The following CERCAM variants were observed in gnomAD, a reference collection of about 807,000 sequenced individuals.
CERCAM encodes inactive glycosyltransferase 25 family member 3.
In CERCAM, 59 loss-of-function variants were observed where a neutral mutation model predicts 66.0. The observed-to-expected ratio is 0.89, with a 90% CI of 0.73 to 1.11. The LOEUF (loss-of-function observed/expected upper bound fraction) is 1.11, where lower values mean the gene tolerates loss of function less well. Ranked by LOEUF, CERCAM falls within the 50% of genes most tolerant of loss-of-function variation. The pLI, the probability that CERCAM is intolerant of heterozygous loss-of-function variation, is 0.00. For synonymous variants in CERCAM, 318 were observed against 343.6 expected (o/e 0.93, Z 0.83); for missense variants, 840 against 828.3 (o/e 1.01, Z -0.17).
Position 128,434,744 on chromosome 9 carries a change from C to T in CERCAM, c.1535+131C>T. ...ACTGGCAAGGCCAAGCCACTTGGCC[C>T]AGGTCACCAAGGAGTGGCTCAGCCT... On this transcript the variant is annotated intron_variant, in intron 11 of 12. Transcript: ENST00000372838. This position sits in a 1 kb window ranked among gnomAD's most constrained non-coding sequence, Gnocchi z 4.5. 3.5e-6 allele frequency: 3 copies of T among 860,036 alleles called. No homozygotes were observed. The highest frequency in any genetic ancestry group is 5.3e-6 in the Non-Finnish European group (3 of 562,066). 53.3% of individuals were successfully genotyped at this position (860,036 alleles called of 1,614,324 possible).
chr9:128,422,806 G>A, intron 1 of CERCAM, 62 bp from the exon 2 acceptor site: 1 of 1,586,266 alleles, frequency 6.3e-7, no homozygotes, highest in Non-Finnish European at 8.6e-7. Flanking sequence ...TTGGGGTCAA[G>A]GCTGCCTTGG....
chr9:128,429,061 C>A (rs752491246), intron 8 of CERCAM, 25 bp downstream of exon 8: 1 of 1,533,834 alleles, frequency 6.5e-7, no homozygotes, highest in Non-Finnish European at 8.8e-7. Flanking sequence ...TGGGGGGGGC[C>A]CTGTGCGCTT....
chr9:128,434,832 A>G lies in CERCAM; in HGVS notation c.1535+219A>G, dbSNP rs1834071895. Among the ~76,000 whole-genome samples the G allele has an allele frequency of 1.3e-5, 2 of 151,788 alleles. No homozygotes were observed. The highest frequency in any genetic ancestry group is 4.8e-5 in the African/African-American group (2 of 41,330). On this transcript the variant is annotated intron_variant, in intron 11 of 12. Coordinates refer to ENST00000372838, the MANE Select transcript of CERCAM (RefSeq NM_016174.5). The surrounding 1 kb of genome is among the most constrained non-coding windows in gnomAD (Gnocchi z 4.5). Reference sequence around the variant, plus strand: ...ACAGTGCATGCAGGCTTTTTTTTGAAATGGAGTCTTGCTCTGTTGCCCAGG... The same window carrying G: ...ACAGTGCATGCAGGCTTTTTTTTGAGATGGAGTCTTGCTCTGTTGCCCAGG...
At chr9:128,435,958 C>A in intron 12 of CERCAM, 53 bp downstream of exon 12, 13 of 1,524,716 alleles carry the variant, frequency 8.5e-6, no homozygotes, top group Non-Finnish European at 1.1e-5. Context: ...GCTTGCTCTC[C>A]CCTTTGATGG....
chr9:128,436,847 A>C lies in CERCAM; in HGVS notation c.*1-2A>C, dbSNP rs1234823922. On this transcript the variant is annotated splice_acceptor_variant, in intron 12 of 12. Transcript: ENST00000372838. LOFTEE classifies it low-confidence loss of function (3UTR_SPLICE). Reference sequence around the variant, plus strand: ...CTCTTCCTGCTCCTCCTGTCCCACCAGGTCCAGGTGATGACTGCAAAGCAG... The same window carrying C: ...CTCTTCCTGCTCCTCCTGTCCCACCCGGTCCAGGTGATGACTGCAAAGCAG... The C allele has an allele frequency of 2.6e-5, 4 of 152,308 alleles. No individual in the cohort carries two copies. The highest frequency in any genetic ancestry group is 9.7e-5 in the African/African-American group (4 of 41,438). 9.4% of individuals were successfully genotyped at this position (152,308 alleles called of 1,614,324 possible).
chr9:128,422,923 G>T lies in CERCAM; in HGVS notation c.253G>T (p.Ala85Ser). 1 of 1,614,012 alleles carries T rather than the reference G, an allele frequency of 6.2e-7. No individual in the cohort carries two copies. The highest frequency in any genetic ancestry group is 8.5e-7 in the Non-Finnish European group (1 of 1,180,010). ...CACAGAGATGCTGCAGGAGTGGCTGGCGGCTGTGGGCGATGACTATGCTGC... is the reference window on the plus strand; with the variant it reads ...CACAGAGATGCTGCAGGAGTGGCTGTCGGCTGTGGGCGATGACTATGCTGC... ...NTTEMLQEWL[A>S]AVGDDYAAVV... The change falls in exon 2 of 13, where the codon GCG becomes TCG. Residue 85 changes from alanine (A) to serine (S), a missense_variant. By Grantham distance (99) the Ala-to-Ser change is moderately conservative. Coordinates refer to ENST00000372838, the MANE Select transcript of CERCAM (RefSeq NM_016174.5).
chr9:128,424,419 C>A lies in CERCAM; in HGVS notation c.571C>A (p.Arg191Ser), dbSNP rs754714830. The change falls in exon 5 of 13, where the codon CGC (arginine) becomes AGC (serine). Residue 191 changes from arginine (R) to serine (S), a missense_variant. By Grantham distance (110) the Arg-to-Ser change is moderately radical. Coordinates refer to ENST00000372838, the MANE Select transcript of CERCAM (RefSeq NM_016174.5). ...CATCCCTTTTCCCCAGGGCTACTAC[C>A]GCCGCACAGCCGAGTACTTCCCCAC... ...WCGITPQGYY[R>S]RTAEYFPTKN... 1.2e-6 allele frequency: 2 copies of A among 1,613,890 alleles called. No homozygotes were observed. Among genetic ancestry groups the A allele is most frequent in the African/African-American group, 2.7e-5 (2 of 74,914 alleles).
Position 128,429,432 on chromosome 9 carries a change from AGGTGT to A in CERCAM, c.1070+397_1070+401del, listed in dbSNP as rs1833924446. On this transcript the variant is annotated intron_variant, in intron 8 of 12. Transcript: ENST00000372838. ...CCGGGCACATAGTTTCCAAAGGCTT[AGGTGT>A]CTCCCTTATTATTACTCTCCATCCT... Among the ~76,000 whole-genome samples the A allele has an allele frequency of 2.0e-5, 3 of 152,256 alleles. No homozygotes were observed. The South Asian group carries it at 6.2e-4, about 32-fold the overall frequency.
chr9:128,429,102 G>A (rs946548233), intron 8 of CERCAM, 66 bp downstream of exon 8: 15 of 1,184,210 alleles, frequency 1.3e-5, no homozygotes, highest in South Asian at 2.9e-5. Context: ...CTCCTAGCCC[G>A]CTAGGACTGG....
At position 128,424,444 on chromosome 9, in the gene CERCAM, C is replaced by A; in HGVS notation, c.596C>A (p.Thr199Asn). ...CGCCGCACAGCCGAGTACTTCCCCA[C>A]CAAGAACCGCCAGCGCCGGGGCTGC... Reference protein sequence around the residue: ...YYRRTAEYFPTKNRQRRGCFR... With the variant: ...YYRRTAEYFPNKNRQRRGCFR... Residue 199 changes from threonine to asparagine, a missense_variant, in exon 5 of 13, where the codon ACC (threonine) becomes AAC (asparagine). Thr to Asn is a moderately conservative substitution (Grantham distance 65). Transcript: ENST00000372838. The A allele has an allele frequency of 6.2e-7, 1 of 1,614,180 alleles. No individual in the cohort carries two copies. The highest frequency in any genetic ancestry group is 8.5e-7 in the Non-Finnish European group (1 of 1,180,056).
rs1166022524 is a variant in CERCAM at position 128,420,970 on chromosome 9, C to T, written c.93C>T (p.Pro31=). 16 of 1,467,698 alleles carry T rather than the reference C, an allele frequency of 1.1e-5. No homozygotes were observed. Among genetic ancestry groups the T allele is most frequent in the African/African-American group, 7.3e-5 (5 of 68,554 alleles). The allele number at this position is 1,467,698 out of a possible 1,614,324, so 90.9% of individuals were successfully genotyped here. A position where few individuals can be genotyped will look rare whatever the true frequency, so the allele number is the denominator to read the frequency against. ...EAAGVAESPL[P]AVVLAILARN... The stretch of plus-strand genomic sequence containing the variant: ...CGGGCGTTGCGGAGTCGCCGCTGCC[C>T]GCCGTGGTCCTTGCCATCCTGGCCC... The change falls in exon 1 of 13, where the codon CCC becomes CCT. Residue 31 remains proline, a synonymous_variant. Transcript: ENST00000372838. The surrounding 1 kb of genome is among the most constrained non-coding windows in gnomAD (Gnocchi z 5.0).
chr9:128,436,336 G>A (rs544418884), intron 12 of CERCAM, among the ~76,000 whole-genome samples: 3 of 152,078 alleles, frequency 2.0e-5, no homozygotes, highest in South Asian at 4.2e-4. Context: ...TGCCTCCCGC[G>A]TCCCGGATTC....
chr9:128,432,477 C>T (rs377076659), intron 9 of CERCAM, among the ~76,000 whole-genome samples: 13 of 151,450 alleles, frequency 8.6e-5, no homozygotes, highest in East Asian at 7.8e-4. Context: ...CTGGACCTCC[C>T]GGGCTCAAGC....
intron 4 of CERCAM, 45 bp downstream of exon 4, chr9:128,424,317 G>A (rs1029023129): frequency 6.2e-7 from 1 of 1,612,284 alleles, no homozygotes; most frequent in Non-Finnish European, 8.5e-7. Context: ...GTCCTGGAAG[G>A]AGGGACGTGG....
At position 128,434,595 on chromosome 9, in the gene CERCAM, T is replaced by G. The variant is rs767165737; in HGVS notation, c.1517T>G (p.Met506Arg). The G allele has an allele frequency of 1.0e-5, 16 of 1,608,018 alleles. No homozygotes were observed. The Middle Eastern group carries it at 5.1e-4, about 51-fold the overall frequency. The change falls in exon 11 of 13, where the codon ATG becomes AGG. Residue 506 changes from methionine (M) to arginine (R), a missense_variant. By Grantham distance (91) the Met-to-Arg change is moderately conservative. Transcript: ENST00000372838. The surrounding 1 kb of genome is among the most constrained non-coding windows in gnomAD (Gnocchi z 4.5). ...CCCGTGGACGAGTTCCTGCCCATCA[T>G]GTTCGACCAGCACCCCAAGTGAGGC... ...MLPVDEFLPI[M>R]FDQHPNEQYK...
chr9:128,429,068 G>A (rs150956383), intron 8 of CERCAM, 32 bp downstream of exon 8: 32 of 1,490,378 alleles, frequency 2.1e-5, no homozygotes, highest in South Asian at 1.7e-4. Flanking sequence ...GGCCCTGTGC[G>A]CTTGGGGAAG....
At chr9:128,431,375 G>C (rs1588626000) in intron 9 of CERCAM, 72 bp downstream of exon 9, 1 of 1,577,836 alleles carries the variant, frequency 6.3e-7, no homozygotes, top group East Asian at 2.3e-5. Context: ...TCACTGCTCT[G>C]TGAACGAGTG....
At position 128,424,407 on chromosome 9, in the gene CERCAM, C is replaced by T. The variant is rs867073160; in HGVS notation, c.562-3C>T. ...CACAGCCCAAAGCATCCCTTTTCCC[C>T]AGGGCTACTACCGCCGCACAGCCGA... On this transcript the variant is annotated splice_region_variant and splice_polypyrimidine_tract_variant and intron_variant, in intron 4 of 12. Coordinates refer to ENST00000372838, the MANE Select transcript of CERCAM (RefSeq NM_016174.5). 2 of 1,613,892 alleles carry T rather than the reference C, an allele frequency of 1.2e-6. No individual in the cohort carries two copies. Among genetic ancestry groups the T allele is most frequent in the African/African-American group, 1.3e-5 (1 of 74,946 alleles).
chr9:128,428,353 C>T lies in CERCAM; in HGVS notation c.818C>T (p.Pro273Leu), dbSNP rs753813668. ...CACCGTTATGGGTACATGAATGTGC[C>T]GGTGAAATCCCACCAGGGGCTGGAA... ...NEHRYGYMNV[P>L]VKSHQGLEDE... Residue 273 changes from proline (P) to leucine (L), a missense_variant, in exon 6 of 13, where the codon CCG (proline) becomes CTG (leucine). Coordinates refer to ENST00000372838, the MANE Select transcript of CERCAM (RefSeq NM_016174.5). 10 of 1,613,960 alleles carry T rather than the reference C, an allele frequency of 6.2e-6. No individual in the cohort carries two copies. Among genetic ancestry groups the T allele is most frequent in the Non-Finnish European group, 8.5e-6 (10 of 1,180,002 alleles).
Sources: gnomAD v4.1 joint callset for allele counts (sites outside exome capture counted in the v4.1 genomes callset) on GRCh38, gnomAD v4.1.1 for gene constraint, Gnocchi (gnomAD v3.1) non-coding constraint, MANE v1.5 for transcripts, NCBI Gene and HGNC (gene_info 2026-07-23, HGNC 2026-07-21) for gene names.